CLEC12A: variants seen among roughly 807,000 people sequenced by gnomAD.
CLEC12A encodes C-type lectin domain family 12 member A.
In CLEC12A, 22 loss-of-function variants were observed where a neutral mutation model predicts 26.5. The observed-to-expected ratio is 0.83, with a 90% CI of 0.59 to 1.19. CLEC12A has a LOEUF of 1.19. Among genes scored for constraint, CLEC12A ranks in the 50% most tolerant of loss-of-function variants. The pLI, the probability that CLEC12A is intolerant of heterozygous loss-of-function variation, is 0.00. For missense variants in CLEC12A, 353 were observed against 315.6 expected, an observed-to-expected ratio of 1.12 and a Z score of -0.90; for synonymous variants, 119 against 101.9, an observed-to-expected ratio of 1.17 and a Z score of -1.01.
At chr12:10,001,555 C>CTGAGCGA in the CLEC12A span, among the ~76,000 whole-genome samples, 2 of 152,214 alleles carry the variant, frequency 1.3e-5, no homozygotes. Context: ...TAGAAGCAAG[C>CTGAGCGA]TGAGCGAAGA....
chr12:9,974,928 C>T (rs975955587), intron 1 of CLEC12A, among the ~76,000 whole-genome samples: 34 of 152,100 alleles, frequency 2.2e-4, no homozygotes, highest in Non-Finnish European at 3.5e-4. Flanking sequence ...ATCATGGGAG[C>T]GGGTTTTTCC....
At chr12:9,991,416 C>T (rs1294988031) in intron 4 of CLEC12A, 1 of 152,106 alleles carries the variant, frequency 6.6e-6, no homozygotes, top group African/African-American at 2.4e-5. Context: ...GGGATGTATA[C>T]ACATATGTTT....
chr12:9,971,439 A>G lies in CLEC12A; in HGVS notation c.-158A>G. On this transcript the variant is annotated 5_prime_UTR_variant, in exon 1 of 6. Transcript: ENST00000304361. ...ATTTGCAGACATATGGGTGATTGGT[A>G]CAGTAGGTTTATAAACAGAAGTTTA... The G allele has an allele frequency of 1.1e-5, 15 of 1,353,450 alleles. No individual in the cohort carries two copies. Among genetic ancestry groups the G allele is most frequent in the Non-Finnish European group, 1.3e-5 (14 of 1,054,238 alleles). 83.8% of individuals were successfully genotyped at this position (1,353,450 alleles called of 1,614,324 possible).
At chr12:9,982,235 T>A in intron 5 of CLEC12A, 106 bp downstream of exon 5, 2 of 649,626 alleles carry the variant, frequency 3.1e-6, no homozygotes, top group Non-Finnish European at 5.4e-6. Flanking sequence ...TGAAATTGCA[T>A]GCTAAAAGAA....
upstream of CLEC12A, among the ~76,000 whole-genome samples, chr12:9,968,387 G>A (rs1272667427): frequency 6.6e-6 from 1 of 152,078 alleles, no homozygotes; most frequent in Non-Finnish European, 1.5e-5. Flanking sequence ...AGGGAGATGG[G>A]GTGGGGCTGT....
chr12:9,995,434 T>C (rs1487553349), exon 5 of CLEC12A: 14 of 567,788 alleles, frequency 2.5e-5, no homozygotes, highest in African/African-American at 9.4e-5. Context: ...AAAAAACTTA[T>C]AGGACACAGG....
chr12:9,968,125 A>G (rs2137125476), upstream of CLEC12A, among the ~76,000 whole-genome samples: 1 of 152,322 alleles, frequency 6.6e-6, no homozygotes, highest in African/African-American at 2.4e-5. Context: ...CACTTACTGG[A>G]TTTAAAATTG....
At chr12:9,974,383 C>G (rs961014292) in intron 1 of CLEC12A, among the ~76,000 whole-genome samples, 13 of 152,120 alleles carry the variant, frequency 8.5e-5, no homozygotes, top group African/African-American at 3.1e-4. Flanking sequence ...CTACCTCATT[C>G]AGTTGTTTGA....
chr12:9,954,724 C>A (rs1057304607), intron 1 of CLEC12A, among the ~76,000 whole-genome samples: 1 of 152,096 alleles, frequency 6.6e-6, no homozygotes, highest in African/African-American at 2.4e-5. Context: ...TAGAGGGTAG[C>A]AAATTGGCTT....
chr12:9,993,392 A>T, intron 4 of CLEC12A: 1 of 700,606 alleles, frequency 1.4e-6, no homozygotes, highest in Non-Finnish European at 2.2e-6. Flanking sequence ...ACTGAGGAAA[A>T]TAGGAAAAAA....
rs146764657 is a variant in CLEC12A, at chr12:9,981,664, C to T, written c.532-356C>T. ...CATTTTTTTCCTACTCTTTCTGTTT[C>T]TATTAACTCTTGTTTATAGCCATTA... On this transcript the variant is annotated intron_variant, in intron 4 of 5. Transcript: ENST00000304361. 1.9e-3 allele frequency among the ~76,000 whole-genome samples: 291 copies of T among 152,210 alleles called. 3 individuals are homozygous for T. The highest frequency in any genetic ancestry group is 6.5e-3 in the African/African-American group (272 of 41,564).
At chr12:9,991,422 T>C (rs985167489) in intron 4 of CLEC12A, 2 of 152,210 alleles carry the variant, frequency 1.3e-5, no homozygotes, top group African/African-American at 2.4e-5. Flanking sequence ...TATACACATA[T>C]GTTTTTCCAT....
At chr12:9,958,104 A>G (rs1467525810) in intron 1 of CLEC12A, among the ~76,000 whole-genome samples, 1 of 152,152 alleles carries the variant, frequency 6.6e-6, no homozygotes, top group African/African-American at 2.4e-5. Flanking sequence ...AATTAAAGTG[A>G]CTTCTGAAAC....
At chr12:9,989,970 A>G (rs774855677), downstream of CLEC12A, among the ~76,000 whole-genome samples, 2 of 152,220 alleles carry the variant, frequency 1.3e-5, no homozygotes, top group Non-Finnish European at 2.9e-5. Flanking sequence ...CGTCTAGATG[A>G]AAGCACATTT....
chr12:9,969,243 A>C (rs979092556), upstream of CLEC12A, among the ~76,000 whole-genome samples: 1 of 152,228 alleles, frequency 6.6e-6, no homozygotes, highest in Non-Finnish European at 1.5e-5. Context: ...AAAGAGAAGA[A>C]ATGTACTATT....
exon 5 of CLEC12A, chr12:9,995,321 T>C (rs754787005): frequency 1.6e-6 from 2 of 1,276,300 alleles, no homozygotes; most frequent in East Asian, 2.3e-5. Flanking sequence ...AGCTTCATGA[T>C]AAGACGTTGG....
At chr12:10,001,661 A>G in the CLEC12A span, among the ~76,000 whole-genome samples, 4 of 152,230 alleles carry the variant, frequency 2.6e-5, no homozygotes, top group African/African-American at 7.2e-5. Context: ...TGAGTTACTC[A>G]GCAAAAATTA....
chr12:9,959,466 AAG>A (rs1342687652), intron 1 of CLEC12A, among the ~76,000 whole-genome samples: 4 of 145,220 alleles, frequency 2.8e-5, no homozygotes, highest in South Asian at 2.2e-4. Context: ...AAAAAAAAAA[AAG>A]AAGAAAGAAA....
intron 1 of CLEC12A, among the ~76,000 whole-genome samples, chr12:9,962,584 G>A (rs762937467): frequency 3.9e-5 from 6 of 152,142 alleles, no homozygotes; most frequent in Non-Finnish European, 8.8e-5. Flanking sequence ...ATTTGGGTAG[G>A]TAGTGGGAAA....
Sources: gnomAD v4.1 joint callset for allele counts (sites outside exome capture counted in the v4.1 genomes callset) on GRCh38, gnomAD v4.1.1 for gene constraint, MANE v1.5 for transcripts, NCBI Gene and HGNC (gene_info 2026-07-23, HGNC 2026-07-21) for gene names.